BMPER: variants seen among roughly 807,000 people sequenced by gnomAD.
BMPER encodes BMP-binding endothelial regulator protein.
BMPER carries 45 observed loss-of-function variants against 87.3 expected under a neutral mutation model. That is an observed-to-expected ratio of 0.52 (90% CI 0.41 to 0.66). The LOEUF (loss-of-function observed/expected upper bound fraction) is 0.66. Ranked by LOEUF, BMPER falls within the 30% of genes least tolerant of loss-of-function variation. BMPER has a pLI of 0.00. For missense variants in BMPER, 784 were observed against 867.5 expected (o/e 0.90, Z 1.21); for synonymous variants, 326 against 316.2 (o/e 1.03, Z -0.33).
intron 6 of BMPER, among the ~76,000 whole-genome samples, chr7:33,984,759 T>C (rs1207699017): frequency 6.6e-6 from 1 of 152,242 alleles, no homozygotes; most frequent in African/African-American, 2.4e-5. Context: ...GCTCAATTGC[T>C]TAAATCTCAC....
chr7:34,065,235 T>TCTCTCTCTCTCTCTCTCTCC (rs1562720511), intron 11 of BMPER, among the ~76,000 whole-genome samples: 3 of 149,828 alleles, frequency 2.0e-5, no homozygotes, highest in Non-Finnish European at 4.4e-5. Context: ...TCTCTCTCTC[T>TCTCTCTCTCTCTCTCTCTCC]CTCTCTCTCT....
chr7:33,993,764 G>T (rs552366103), intron 6 of BMPER, among the ~76,000 whole-genome samples: 33 of 152,176 alleles, frequency 2.2e-4, no homozygotes, highest in African/African-American at 7.7e-4. Flanking sequence ...TCTACTTTTG[G>T]TCTTTGATGA....
At chr7:34,074,015 G>A (rs1465008636) in intron 11 of BMPER, among the ~76,000 whole-genome samples, 1 of 152,236 alleles carries the variant, frequency 6.6e-6, no homozygotes, top group Non-Finnish European at 1.5e-5. Context: ...CTGTGGGTTT[G>A]GATGTGTTTT....
At chr7:33,972,183 G>A (rs1785567003) in intron 5 of BMPER, among the ~76,000 whole-genome samples, 3 of 152,120 alleles carry the variant, frequency 2.0e-5, no homozygotes, top group African/African-American at 2.4e-5. Context: ...GATTACAGGC[G>A]TGAGCCCCTA....
At chr7:33,939,280 CTCTTA>C (rs1562642179) in intron 3 of BMPER, among the ~76,000 whole-genome samples, 1 of 152,120 alleles carries the variant, frequency 6.6e-6, no homozygotes, top group Non-Finnish European at 1.5e-5. Context: ...CCCTTTCCTC[CTCTTA>C]TCTTAATCTT....
chr7:34,061,969 CAG>C (rs1160207822), intron 10 of BMPER, 31 bp from the exon 11 acceptor site: 1 of 1,148,732 alleles, frequency 8.7e-7, no homozygotes, highest in Non-Finnish European at 1.2e-6. Context: ...TTTTTTTAAA[CAG>C]TAACTTTGTA....
At chr7:34,070,391 A>T (rs944082843) in intron 11 of BMPER, among the ~76,000 whole-genome samples, 2 of 152,148 alleles carry the variant, frequency 1.3e-5, no homozygotes, top group African/African-American at 2.4e-5. Flanking sequence ...CATGTTGCTA[A>T]TCAATCATCA....
intron 6 of BMPER, among the ~76,000 whole-genome samples, chr7:34,039,603 T>TACACACACACACACACACAC (rs56214614): frequency 7.0e-6 from 1 of 142,576 alleles, no homozygotes; most frequent in Non-Finnish European, 1.5e-5. Context: ...GACACACAAA[T>TACACACACACACACACACAC]ACACACACAC....
intron 5 of BMPER, among the ~76,000 whole-genome samples, chr7:33,974,011 C>T (rs1403170884): frequency 1.3e-5 from 2 of 152,072 alleles, no homozygotes; most frequent in Admixed American, 6.6e-5. Flanking sequence ...TAACAGAGAG[C>T]GTGGGGCTGA....
At chr7:34,037,048 G>T (rs542800742) in intron 6 of BMPER, among the ~76,000 whole-genome samples, 1 of 152,010 alleles carries the variant, frequency 6.6e-6, no homozygotes, top group Admixed American at 6.6e-5. Context: ...TTTTCAAATG[G>T]AGTTTAGTGG....
At chr7:34,078,042 T>TA (rs1788911366) in intron 11 of BMPER, among the ~76,000 whole-genome samples, 1 of 152,202 alleles carries the variant, frequency 6.6e-6, no homozygotes, top group Non-Finnish European at 1.5e-5. Context: ...AGATTTGTTT[T>TA]AAAAAATAAA....
intron 6 of BMPER, among the ~76,000 whole-genome samples, chr7:33,986,191 A>T (rs1382339584): frequency 1.3e-5 from 2 of 151,892 alleles, no homozygotes; most frequent in African/African-American, 4.8e-5. Context: ...CAGCCTCCTA[A>T]CCTCCCTAGT....
chr7:34,107,940 T>A (rs1411575084), intron 13 of BMPER, among the ~76,000 whole-genome samples: 2 of 152,228 alleles, frequency 1.3e-5, no homozygotes, highest in Admixed American at 6.5e-5. Flanking sequence ...TATAATCTAA[T>A]ATCCACCTCA....
chr7:34,154,297 T>G lies in BMPER; in HGVS notation c.*1024T>G, dbSNP rs1242432788. ...AGACAGTGGAAAAGCCTTTATTGAC[T>G]AATTGATTTAACCTCAGTCCAAAGA... On this transcript the variant is annotated 3_prime_UTR_variant, in exon 15 of 15. Coordinates refer to ENST00000649409, the MANE Select transcript of BMPER (RefSeq NM_001365308.1). 1 of 152,264 alleles carries G rather than the reference T, an allele frequency of 6.6e-6. No individual in the cohort carries two copies. The highest frequency in any genetic ancestry group is 1.5e-5 in the Non-Finnish European group (1 of 68,044). The allele number at this position is 152,264 out of a possible 1,614,324, so 9.4% of individuals were successfully genotyped here. A position where few individuals can be genotyped will look rare whatever the true frequency, so the allele number is the denominator to read the frequency against.
chr7:34,058,118 G>A lies in BMPER; in HGVS notation c.987G>A (p.Thr329=), dbSNP rs1424454427. The change falls in exon 10 of 15, where the codon ACG becomes ACA. Residue 329 remains threonine (T), a synonymous_variant. Coordinates refer to ENST00000649409, the MANE Select transcript of BMPER (RefSeq NM_001365308.1). ...TCTGTGCTTGTGTGAAAGGCAGGACGGAGTGTCGCAATAAGCAGTGCATTC... is the reference window on the plus strand; with the variant it reads ...TCTGTGCTTGTGTGAAAGGCAGGACAGAGTGTCGCAATAAGCAGTGCATTC... ...CTICACVKGR[T]ECRNKQCIPI... 6.2e-6 allele frequency: 10 copies of A among 1,613,974 alleles called. No homozygotes were observed. The highest frequency in any genetic ancestry group is 5.3e-5 in the African/African-American group (4 of 74,900).
intron 2 of BMPER, among the ~76,000 whole-genome samples, chr7:33,915,653 G>A (rs1213750934): frequency 3.3e-5 from 5 of 152,266 alleles, no homozygotes; most frequent in South Asian, 2.1e-4. Context: ...CCCTTCATCC[G>A]ACTTAAATGG....
chr7:33,915,449 A>T (rs1784069787), intron 2 of BMPER, among the ~76,000 whole-genome samples: 1 of 152,160 alleles, frequency 6.6e-6, no homozygotes, highest in Admixed American at 6.5e-5. Flanking sequence ...TTTCTCATGA[A>T]ATGTTTAAAG....
At chr7:33,960,402 T>C (rs1785238962) in intron 3 of BMPER, among the ~76,000 whole-genome samples, 1 of 152,192 alleles carries the variant, frequency 6.6e-6, no homozygotes. Flanking sequence ...AAGTGGTTCA[T>C]TAAAAAAATT....
At chr7:34,050,762 AATT>A (rs1788127672) in intron 7 of BMPER, among the ~76,000 whole-genome samples, 1 of 152,154 alleles carries the variant, frequency 6.6e-6, no homozygotes, top group Non-Finnish European at 1.5e-5. Context: ...GAAAGGAGGA[AATT>A]AGATTGTACT....
Sources: allele counts gnomAD v4.1 joint callset (sites outside exome capture counted in the v4.1 genomes callset), GRCh38; gene constraint gnomAD v4.1.1; transcripts MANE v1.5; gene names NCBI Gene and HGNC (gene_info 2026-07-23, HGNC 2026-07-21).